RIMS3: variants seen among roughly 807,000 people sequenced by gnomAD.
RIMS3 encodes regulating synaptic membrane exocytosis protein 3.
Under a neutral mutation model 29.2 loss-of-function variants are expected in RIMS3, and 15 were observed. That is an observed-to-expected ratio of 0.51 (90% CI 0.34 to 0.79). RIMS3 has a LOEUF of 0.79. Among genes scored for constraint, RIMS3 ranks in the 30% least tolerant of loss-of-function variants. The pLI, the probability that RIMS3 is intolerant of heterozygous loss-of-function variation, is 0.01. For missense variants in RIMS3, 342 were observed against 421.4 expected, an observed-to-expected ratio of 0.81 and a Z score of 1.65; for synonymous variants, 161 against 170.1, an observed-to-expected ratio of 0.95 and a Z score of 0.41.
At chr1:40,692,040 C>T in the RIMS3 span, 2 of 196,872 alleles carry the variant, frequency 1.0e-5, no homozygotes, top group South Asian at 9.7e-5. Flanking sequence ...GCTGCTGTCG[C>T]CGCCGCCGCG....
rs1209490643 is a variant in RIMS3, at chr1:40,654,273, G to C, written c.-206-6431C>G. On this transcript the variant is annotated intron_variant, in intron 1 of 7. Coordinates refer to ENST00000372684, the MANE Select transcript of RIMS3 (RefSeq NM_014747.3). This position sits in a 1 kb window ranked among gnomAD's most constrained non-coding sequence, Gnocchi z 5.3. ...AAGCCGGAAGGCGCCGCCCGCGCCT[G>C]CTGCCCACCCTGGGGACCCTCCTCA... Among the ~76,000 whole-genome samples, 2 of 152,118 alleles carry C rather than the reference G, an allele frequency of 1.3e-5. No individual in the cohort carries two copies. Among genetic ancestry groups the C allele is most frequent in the African/African-American group, 4.8e-5 (2 of 41,430 alleles).
At chr1:40,630,025 T>C (rs1174784551) in intron 5 of RIMS3, among the ~76,000 whole-genome samples, 1 of 146,270 alleles carries the variant, frequency 6.8e-6, no homozygotes, top group Non-Finnish European at 1.5e-5. Context: ...TGGGCCAAGA[T>C]TGCACCACAG....
the RIMS3 span, among the ~76,000 whole-genome samples, chr1:40,689,925 T>G: frequency 6.6e-6 from 1 of 152,186 alleles, no homozygotes; most frequent in Admixed American, 6.5e-5. Context: ...GGTTAACACC[T>G]AGCACAGACG....
chr1:40,630,309 G>A (rs1358566540), intron 5 of RIMS3, among the ~76,000 whole-genome samples: 1 of 152,162 alleles, frequency 6.6e-6, no homozygotes, highest in Non-Finnish European at 1.5e-5. Context: ...GTGGAGTTAT[G>A]TCAGTTACCT....
At chr1:40,685,118 G>C in the RIMS3 span, among the ~76,000 whole-genome samples, 1 of 151,816 alleles carries the variant, frequency 6.6e-6, no homozygotes, top group African/African-American at 2.4e-5. Context: ...TCGCTGATTG[G>C]TCAGACTGGG....
chr1:40,628,783 C>G, intron 7 of RIMS3, 27 bp downstream of exon 7: 1 of 1,614,108 alleles, frequency 6.2e-7, no homozygotes, highest in Non-Finnish European at 8.5e-7. Context: ...TGAGTCCACC[C>G]TGCCCTACTT....
chr1:40,639,055 G>A (rs1052748888), intron 3 of RIMS3, among the ~76,000 whole-genome samples: 1 of 152,182 alleles, frequency 6.6e-6, no homozygotes, highest in Admixed American at 6.5e-5. Context: ...TAGGGCAGGG[G>A]CTTTGAAACA....
chr1:40,639,081 A>G (rs1173027256), intron 3 of RIMS3, among the ~76,000 whole-genome samples: 1 of 152,180 alleles, frequency 6.6e-6, no homozygotes, highest in Non-Finnish European at 1.5e-5. Context: ...GGATGGGCAG[A>G]GGTCTAGCCA....
chr1:40,651,076 AC>A (rs1297156263), intron 1 of RIMS3, among the ~76,000 whole-genome samples: 1 of 151,358 alleles, frequency 6.6e-6, no homozygotes, highest in Non-Finnish European at 1.5e-5. Context: ...AATCCCCATA[AC>A]TCCCTTTGTA....
intron 1 of RIMS3, among the ~76,000 whole-genome samples, chr1:40,656,583 T>C (rs1642276017): frequency 1.3e-5 from 2 of 152,054 alleles, no homozygotes; most frequent in Non-Finnish European, 2.9e-5. Flanking sequence ...CGGGAGTTCA[T>C]GAACAGCCTG....
At chr1:40,640,158 G>C (rs1012428985) in intron 3 of RIMS3, among the ~76,000 whole-genome samples, 1 of 152,012 alleles carries the variant, frequency 6.6e-6, no homozygotes, top group East Asian at 1.9e-4. Flanking sequence ...CCAGACTCCC[G>C]GGGTCCAACA....
chr1:40,668,491 C>CGGGGGGGGGGGGGGG (rs56114535), upstream of RIMS3, among the ~76,000 whole-genome samples: 5 of 51,612 alleles, frequency 9.7e-5, no homozygotes, highest in Non-Finnish European at 1.1e-4. Flanking sequence ...GGGTTGTGGG[C>CGGGGGGGGGGGGGGG]GGGGGGGGGG....
the RIMS3 span, among the ~76,000 whole-genome samples, chr1:40,672,036 G>A: frequency 6.6e-6 from 1 of 151,920 alleles, no homozygotes; most frequent in Non-Finnish European, 1.5e-5. Context: ...GAGATTACAG[G>A]CATGAGCCAC....
At chr1:40,683,719 C>G in the RIMS3 span, among the ~76,000 whole-genome samples, 2 of 152,374 alleles carry the variant, frequency 1.3e-5, no homozygotes, top group South Asian at 2.1e-4. Flanking sequence ...AAATGCTCAA[C>G]AGCTACACGT....
chr1:40,681,347 T>C, the RIMS3 span: 1 of 152,068 alleles, frequency 6.6e-6, no homozygotes, highest in Non-Finnish European at 1.5e-5. Context: ...ACTGATGTGA[T>C]TGAATAGAAA....
chr1:40,663,791 C>T (rs1642386610), intron 1 of RIMS3, among the ~76,000 whole-genome samples: 2 of 152,116 alleles, frequency 1.3e-5, no homozygotes, highest in South Asian at 2.1e-4. Context: ...CCTGCTGGGT[C>T]CTCAGCACCT....
rs915559740 is a variant in RIMS3 at position 40,665,463 on chromosome 1, C to G, written c.-276G>C. 6.6e-6 allele frequency: 1 copy of G among 152,268 alleles called. No individual in the cohort carries two copies. The highest frequency in any genetic ancestry group is 1.5e-5 in the Non-Finnish European group (1 of 68,108). 9.4% of individuals were successfully genotyped at this position (152,268 alleles called of 1,614,324 possible). On this transcript the variant is annotated 5_prime_UTR_variant, in exon 1 of 8. Transcript: ENST00000372684. Reference sequence around the variant, plus strand: ...GCCGAGGCGGCTCCGCAAGGCGGGGCAGGTGCTGCCCCGGGACCCCGCCCC... The same window carrying G: ...GCCGAGGCGGCTCCGCAAGGCGGGGGAGGTGCTGCCCCGGGACCCCGCCCC...
chr1:40,683,234 C>G, the RIMS3 span, among the ~76,000 whole-genome samples: 2 of 152,222 alleles, frequency 1.3e-5, no homozygotes, highest in Admixed American at 6.5e-5. Context: ...AATATGCAGT[C>G]ATTCGCTACA....
the RIMS3 span, among the ~76,000 whole-genome samples, chr1:40,672,264 T>G: frequency 6.8e-6 from 1 of 148,116 alleles, no homozygotes; most frequent in Non-Finnish European, 1.5e-5. Context: ...AGTGGTGCTA[T>G]CTCGGCTCAC....
Sources: gnomAD v4.1 joint callset for allele counts (sites outside exome capture counted in the v4.1 genomes callset) on GRCh38, gnomAD v4.1.1 for gene constraint, Gnocchi (gnomAD v3.1) non-coding constraint, MANE v1.5 for transcripts, NCBI Gene and HGNC (gene_info 2026-07-23, HGNC 2026-07-21) for gene names.